GABRB1: variants seen among roughly 807,000 people sequenced by gnomAD.
The protein encoded by GABRB1 is gamma-aminobutyric acid type A receptor subunit beta1, also known as gamma-aminobutyric acid receptor subunit beta-1.
Under a neutral mutation model 51.6 loss-of-function variants are expected in GABRB1, and 17 were observed. The observed-to-expected ratio is 0.33, with a 90% CI of 0.23 to 0.49. GABRB1 has a LOEUF of 0.49. Among genes scored for constraint, GABRB1 ranks in the 20% least tolerant of loss-of-function variants. GABRB1 has a pLI of 0.99. For synonymous variants in GABRB1, 247 were observed against 218.9 expected (o/e 1.13, Z -1.14); for missense variants, 410 against 600.6 (o/e 0.68, Z 3.32).
At chr4:47,183,688 A>G (rs1374959609) in intron 4 of GABRB1, among the ~76,000 whole-genome samples, 2 of 151,688 alleles carry the variant, frequency 1.3e-5, no homozygotes, top group African/African-American at 4.8e-5. Context: ...ACATCTGTCA[A>G]TATCACCTCT....
At chr4:47,060,481 C>A (rs1726799463) in intron 3 of GABRB1, among the ~76,000 whole-genome samples, 1 of 152,082 alleles carries the variant, frequency 6.6e-6, no homozygotes, top group African/African-American at 2.4e-5. Flanking sequence ...CTATTTGTTT[C>A]TCTTGGTGGG....
chr4:47,271,913 T>C (rs1461218537), intron 4 of GABRB1, among the ~76,000 whole-genome samples: 1 of 152,112 alleles, frequency 6.6e-6, no homozygotes, highest in Non-Finnish European at 1.5e-5. Flanking sequence ...TTGATCTAGG[T>C]TCTAAACAAT....
At chr4:47,219,779 T>C (rs923528847) in intron 4 of GABRB1, among the ~76,000 whole-genome samples, 1 of 151,898 alleles carries the variant, frequency 6.6e-6, no homozygotes, top group Non-Finnish European at 1.5e-5. Context: ...TCTCCTCCTC[T>C]CTGATTCAAC....
chr4:47,187,511 C>T lies in GABRB1; in HGVS notation c.461+26042C>T, dbSNP rs933492985. On this transcript the variant is annotated intron_variant, in intron 4 of 8. Transcript: ENST00000295454. Reference sequence around the variant, plus strand: ...AAGGTGGTATAAGAAATGAAATTTGCCTTCCAGGAAAACAAATGTGCACCT... The same window carrying T: ...AAGGTGGTATAAGAAATGAAATTTGTCTTCCAGGAAAACAAATGTGCACCT... Among the ~76,000 whole-genome samples, 23 of 151,918 alleles carry T rather than the reference C, an allele frequency of 1.5e-4. No homozygotes were observed. The Middle Eastern group carries it at 0.014, about 90-fold the overall frequency.
chr4:47,293,615 C>T (rs1166561271), intron 4 of GABRB1, among the ~76,000 whole-genome samples: 2 of 152,074 alleles, frequency 1.3e-5, no homozygotes, highest in Non-Finnish European at 2.9e-5. Context: ...AAGATTTGAA[C>T]ATTTAATTAA....
chr4:47,015,112 T>G (rs1724706697), intron 1 of GABRB1, among the ~76,000 whole-genome samples: 1 of 152,174 alleles, frequency 6.6e-6, no homozygotes, highest in Admixed American at 6.5e-5. Flanking sequence ...TTCACCATGT[T>G]GGCCAGGCTG....
chr4:47,130,575 C>A (rs1483930952), intron 3 of GABRB1, among the ~76,000 whole-genome samples: 1 of 152,096 alleles, frequency 6.6e-6, no homozygotes, highest in African/African-American at 2.4e-5. Flanking sequence ...TGCCTCCCCC[C>A]AGATTAGGAA....
intron 1 of GABRB1, among the ~76,000 whole-genome samples, chr4:47,010,576 A>C (rs1485435305): frequency 6.6e-6 from 1 of 152,246 alleles, no homozygotes. Flanking sequence ...AATAAATATG[A>C]TCAACTCAAA....
intron 3 of GABRB1, among the ~76,000 whole-genome samples, chr4:47,153,183 C>T (rs947733102): frequency 5.3e-5 from 8 of 151,996 alleles, no homozygotes; most frequent in African/African-American, 1.9e-4. Flanking sequence ...ACCAGTCAGC[C>T]TTTATGTCTC....
intron 4 of GABRB1, among the ~76,000 whole-genome samples, chr4:47,192,768 C>T (rs1719491987): frequency 6.6e-6 from 1 of 151,974 alleles, no homozygotes. Flanking sequence ...ATGATAGATC[C>T]AATAATCAAG....
intron 4 of GABRB1, among the ~76,000 whole-genome samples, chr4:47,260,376 T>C (rs1327971156): frequency 6.6e-6 from 1 of 152,196 alleles, no homozygotes; most frequent in Non-Finnish European, 1.5e-5. Context: ...ATTATGATGT[T>C]AGCTGGTTAT....
chr4:47,192,426 T>C (rs2109784942), intron 4 of GABRB1, among the ~76,000 whole-genome samples: 1 of 152,306 alleles, frequency 6.6e-6, no homozygotes, highest in South Asian at 2.1e-4. Context: ...TTTAATCCCA[T>C]TCAAATTTGA....
At chr4:47,228,770 C>G (rs893582274) in intron 4 of GABRB1, among the ~76,000 whole-genome samples, 1 of 152,044 alleles carries the variant, frequency 6.6e-6, no homozygotes, top group Non-Finnish European at 1.5e-5. Context: ...TTGTTTGTAT[C>G]CTCCCGTGGT....
intron 3 of GABRB1, among the ~76,000 whole-genome samples, chr4:47,145,722 A>G (rs1717139455): frequency 6.6e-6 from 1 of 152,082 alleles, no homozygotes; most frequent in African/African-American, 2.4e-5. Context: ...GGAACTTCAC[A>G]TACTTCTGAA....
At chr4:47,227,905 C>T (rs565086671) in intron 4 of GABRB1, among the ~76,000 whole-genome samples, 1 of 152,280 alleles carries the variant, frequency 6.6e-6, no homozygotes, top group Admixed American at 6.5e-5. Flanking sequence ...TGGAATCTTT[C>T]CCTATGTCCT....
chr4:47,178,512 G>T (rs1718798572), intron 4 of GABRB1, among the ~76,000 whole-genome samples: 1 of 152,014 alleles, frequency 6.6e-6, no homozygotes, highest in Non-Finnish European at 1.5e-5. Context: ...AGCTAAAGAA[G>T]AATAAAGCCA....
chr4:47,316,043 C>T (rs1279817113), intron 4 of GABRB1, among the ~76,000 whole-genome samples: 2 of 8,758 alleles, frequency 2.3e-4, no homozygotes, highest in Admixed American at 2.0e-3. Flanking sequence ...TAAAATAAAA[C>T]TTAAAAATTA....
chr4:47,396,365 A>G (rs2110043866), intron 5 of GABRB1, among the ~76,000 whole-genome samples: 2 of 152,246 alleles, frequency 1.3e-5, no homozygotes, highest in South Asian at 4.1e-4. Context: ...AACATGAAGC[A>G]ATTATGGGAG....
At chr4:47,028,579 T>C (rs968714753), upstream of GABRB1, among the ~76,000 whole-genome samples, 2 of 151,694 alleles carry the variant, frequency 1.3e-5, no homozygotes, top group Admixed American at 6.6e-5. Flanking sequence ...TTCAAATATC[T>C]AGAAATATAT....
Sources: gnomAD v4.1 joint callset for allele counts (sites outside exome capture counted in the v4.1 genomes callset) on GRCh38, gnomAD v4.1.1 for gene constraint, MANE v1.5 for transcripts, NCBI Gene and HGNC (gene_info 2026-07-23, HGNC 2026-07-21) for gene names.